The following UGGT2 variants were observed in gnomAD, a reference collection of about 807,000 sequenced individuals.
UGGT2 encodes UDP-glucose glycoprotein glucosyltransferase 2.
UGGT2 carries 180 observed loss-of-function variants against 192.1 expected under a neutral mutation model. The observed-to-expected ratio is 0.94, with a 90% CI of 0.83 to 1.06. The LOEUF (loss-of-function observed/expected upper bound fraction) is 1.06, where lower values mean the gene tolerates loss of function less well. Among genes scored for constraint, UGGT2 ranks in the 50% least tolerant of loss-of-function variants. UGGT2 has a pLI of 0.00. For missense variants in UGGT2, 1,849 were observed against 1,795.7 expected (o/e 1.03, Z -0.54); for synonymous variants, 580 against 591.0 (o/e 0.98, Z 0.27).
intron 24 of UGGT2, among the ~76,000 whole-genome samples, chr13:95,892,283 G>A (rs2047823711): frequency 1.3e-5 from 2 of 152,102 alleles, no homozygotes; most frequent in African/African-American, 2.4e-5. Context: ...ACAGTTCTGA[G>A]TAGAATCCTG....
chr13:95,843,585 T>C (rs560163228), intron 36 of UGGT2, among the ~76,000 whole-genome samples: 1 of 152,310 alleles, frequency 6.6e-6, no homozygotes, highest in African/African-American at 2.4e-5. Flanking sequence ...TCCTATCTTC[T>C]AAACATTTTA....
In UGGT2 at chr13:95,973,075, C is replaced by G. The variant is rs564093908; in HGVS notation, c.1093-404G>C. 1.0e-3 allele frequency among the ~76,000 whole-genome samples: 157 copies of G among 152,232 alleles called. 1 individual carries two copies. The highest frequency in any genetic ancestry group is 3.5e-3 in the African/African-American group (147 of 41,564). On this transcript the variant is annotated intron_variant, in intron 10 of 38. Coordinates refer to ENST00000376747, the MANE Select transcript of UGGT2 (RefSeq NM_020121.4). ...ATCCCAGCTACTTGGGAGGCTGAGG[C>G]AGGAGAATCACTTGAATCCAGGAGG...
chr13:95,970,345 T>A lies in UGGT2; in HGVS notation c.1185-83A>T. The A allele has an allele frequency of 3.1e-6, 4 of 1,297,910 alleles. No individual in the cohort carries two copies. The South Asian group carries it at 5.9e-5, about 19-fold the overall frequency. The allele number at this position is 1,297,910 out of a possible 1,614,324, so 80.4% of individuals were successfully genotyped here. A position where few individuals can be genotyped will look rare whatever the true frequency, so the allele number is the denominator to read the frequency against. Reference sequence around the variant, plus strand: ...TTTAAAGTTTGATAGTCTTAAAGCATTAGAAATGAGATTTTTTGGTATCTT... The same window carrying A: ...TTTAAAGTTTGATAGTCTTAAAGCAATAGAAATGAGATTTTTTGGTATCTT... On this transcript the variant is annotated intron_variant, in intron 11 of 38. Coordinates refer to ENST00000376747, the MANE Select transcript of UGGT2 (RefSeq NM_020121.4).
intron 33 of UGGT2, among the ~76,000 whole-genome samples, chr13:95,859,217 G>C (rs551438377): frequency 1.4e-4 from 22 of 152,182 alleles, no homozygotes; most frequent in African/African-American, 5.1e-4. Flanking sequence ...CTACGGTATA[G>C]GTATAGTCTT....
At chr13:95,840,202 AT>A (rs1348471402) in intron 36 of UGGT2, among the ~76,000 whole-genome samples, 3 of 152,206 alleles carry the variant, frequency 2.0e-5, no homozygotes, top group African/African-American at 7.2e-5. Context: ...AATGGGATCT[AT>A]TTAAACTAAA....
rs2049326781 is a variant in UGGT2 at position 95,932,611 on chromosome 13, G to C, written c.1977+4313C>G. On this transcript the variant is annotated intron_variant, in intron 17 of 38. Transcript: ENST00000376747. ...TATTGCTCTTGCCTGATTGCTCTAA[G>C]ACTTCCAGTACTATGATGAATAGGA... is the stretch of plus-strand genomic sequence containing the variant. 2.6e-5 allele frequency among the ~76,000 whole-genome samples: 4 copies of C among 151,894 alleles called. No homozygotes were observed. The South Asian group carries it at 8.3e-4, about 31-fold the overall frequency.
chr13:95,986,571 T>C, intron 8 of UGGT2, 139 bp from the exon 9 acceptor site: 1 of 514,382 alleles, frequency 1.9e-6, no homozygotes, highest in Non-Finnish European at 3.3e-6. Flanking sequence ...CATCTGCATT[T>C]TTAAAAAGTT....
chr13:95,932,311 T>TGTG (rs2049311268), intron 17 of UGGT2, among the ~76,000 whole-genome samples: 14 of 139,508 alleles, frequency 1.0e-4, no homozygotes, highest in African/African-American at 3.5e-4. Flanking sequence ...GGTATTTTAT[T>TGTG]TGTGTGTGTG....
intron 20 of UGGT2, among the ~76,000 whole-genome samples, chr13:95,916,030 A>G (rs1046792934): frequency 6.6e-6 from 1 of 152,178 alleles, no homozygotes; most frequent in Non-Finnish European, 1.5e-5. Context: ...CCAACACAGC[A>G]CACCTGCTCC....
chr13:96,031,863 C>G, intron 2 of UGGT2, 26 bp downstream of exon 2: 2 of 1,537,668 alleles, frequency 1.3e-6, no homozygotes, highest in Non-Finnish European at 1.8e-6. Context: ...ACAAATCTTA[C>G]AAGTTAAAAT....
chr13:95,844,340 T>C (rs887353002), intron 36 of UGGT2, among the ~76,000 whole-genome samples: 2 of 152,188 alleles, frequency 1.3e-5, no homozygotes, highest in Admixed American at 6.5e-5. Flanking sequence ...GAAAGTCTAA[T>C]AAATATAGAA....
At chr13:95,949,192 G>T in intron 13 of UGGT2, 143 bp downstream of exon 13, 1 of 708,680 alleles carries the variant, frequency 1.4e-6, no homozygotes, top group Non-Finnish European at 2.1e-6. Context: ...TACCCAGTCA[G>T]CCATGCCACC....
At chr13:96,017,268 A>G (rs989492452) in intron 4 of UGGT2, among the ~76,000 whole-genome samples, 1 of 152,182 alleles carries the variant, frequency 6.6e-6, no homozygotes, top group African/African-American at 2.4e-5. Flanking sequence ...TGAGAAGGAC[A>G]TGAGATTTTG....
At chr13:95,811,000 T>G (rs1884554602) in intron 38 of UGGT2, among the ~76,000 whole-genome samples, 1 of 152,100 alleles carries the variant, frequency 6.6e-6, no homozygotes, top group Non-Finnish European at 1.5e-5. Context: ...AAGCACACAA[T>G]AAGATGGTGA....
intron 38 of UGGT2, among the ~76,000 whole-genome samples, chr13:95,825,601 T>G (rs1168464502): frequency 6.6e-6 from 1 of 152,140 alleles, no homozygotes; most frequent in Non-Finnish European, 1.5e-5. Flanking sequence ...CCTGAAGTGT[T>G]CCAGGAAGGC....
At chr13:95,938,702 G>C (rs541762234) in intron 16 of UGGT2, among the ~76,000 whole-genome samples, 2 of 152,178 alleles carry the variant, frequency 1.3e-5, no homozygotes, top group South Asian at 4.2e-4. Context: ...TTTCCTTCTT[G>C]GCAATGGCAT....
At chr13:96,001,255 G>C (rs1397884117) in intron 5 of UGGT2, among the ~76,000 whole-genome samples, 1 of 152,208 alleles carries the variant, frequency 6.6e-6, no homozygotes, top group East Asian at 1.9e-4. Flanking sequence ...AGTGAAAATG[G>C]CCGGTCCTTG....
intron 5 of UGGT2, among the ~76,000 whole-genome samples, chr13:96,009,938 A>G (rs941552571): frequency 6.6e-6 from 1 of 152,200 alleles, no homozygotes; most frequent in Non-Finnish European, 1.5e-5. Context: ...CAAAACCACA[A>G]TGAGATACCA....
intron 12 of UGGT2, among the ~76,000 whole-genome samples, chr13:95,963,361 A>T (rs546071636): frequency 6.6e-6 from 1 of 152,168 alleles, no homozygotes; most frequent in South Asian, 2.1e-4. Context: ...ATTCATGATT[A>T]AAAACTCTAA....
Sources: allele counts gnomAD v4.1 joint callset (sites outside exome capture counted in the v4.1 genomes callset), GRCh38; gene constraint gnomAD v4.1.1; transcripts MANE v1.5; gene names NCBI Gene and HGNC (gene_info 2026-07-23, HGNC 2026-07-21).